Variants in ATE1 observed in about 807,000 individuals in gnomAD.
The protein encoded by ATE1 is arginyltransferase 1, also known as arginyl-tRNA--protein transferase 1.
In ATE1, 36 loss-of-function variants were observed where a neutral mutation model predicts 70.5. The observed-to-expected ratio is 0.51, with a 90% CI of 0.39 to 0.67. ATE1 has a LOEUF of 0.67. ATE1 is among the 30% of genes least tolerant of loss of function. ATE1 has a pLI of 0.00. For missense variants in ATE1, 593 were observed against 629.5 expected, an observed-to-expected ratio of 0.94 and a Z score of 0.62; for synonymous variants, 232 against 219.3, an observed-to-expected ratio of 1.06 and a Z score of -0.51.
chr10:121,923,959 A>C (rs1438725750), intron 2 of ATE1, among the ~76,000 whole-genome samples: 1 of 152,216 alleles, frequency 6.6e-6, no homozygotes, highest in Non-Finnish European at 1.5e-5. Flanking sequence ...TAACCTACTG[A>C]TGTAATTTGC....
chr10:121,863,631 A>G (rs965050871), intron 8 of ATE1, among the ~76,000 whole-genome samples: 3 of 151,894 alleles, frequency 2.0e-5, no homozygotes, highest in Non-Finnish European at 4.4e-5. Flanking sequence ...ATTTTTAGAG[A>G]TGTGGTATTA....
intron 10 of ATE1, among the ~76,000 whole-genome samples, chr10:121,798,785 G>C (rs1347889856): frequency 6.6e-6 from 1 of 151,980 alleles, no homozygotes; most frequent in Admixed American, 6.6e-5. Context: ...TGTGGTCCCA[G>C]CTACTCAGGA....
At chr10:121,859,839 G>T (rs1328823418) in intron 8 of ATE1, among the ~76,000 whole-genome samples, 1 of 152,146 alleles carries the variant, frequency 6.6e-6, no homozygotes, top group Non-Finnish European at 1.5e-5. Context: ...CTATTCGGAA[G>T]GCTGAGGCAG....
chr10:121,845,559 G>A lies in ATE1; in HGVS notation c.976-4296C>T, dbSNP rs182853790. Among the ~76,000 whole-genome samples the A allele has an allele frequency of 7.9e-5, 12 of 152,242 alleles. No individual in the cohort carries two copies. In the East Asian group the frequency reaches 1.5e-3, roughly 20 times the overall value. On this transcript the variant is annotated intron_variant, in intron 8 of 11. Coordinates refer to ENST00000224652, the MANE Select transcript of ATE1 (RefSeq NM_001001976.3). ...CCTAAGCAACTCTGGAAATGAAAGC[G>A]GTTTCTAAGAATGAAGGTAACAGGA... is the stretch of plus-strand genomic sequence containing the variant.
intron 11 of ATE1, among the ~76,000 whole-genome samples, chr10:121,744,861 G>A (rs966303417): frequency 7.2e-5 from 11 of 152,176 alleles, no homozygotes; most frequent in African/African-American, 2.7e-4. Flanking sequence ...AGTGTTTTGT[G>A]GAAGTTTCCA....
At position 121,902,468 on chromosome 10, in the gene ATE1, C is replaced by G. The variant is rs765527392; in HGVS notation, c.736G>C (p.Ala246Pro). 6.8e-6 allele frequency: 11 copies of G among 1,614,028 alleles called. No individual in the cohort carries two copies. The highest frequency in any genetic ancestry group is 2.2e-5 in the South Asian group (2 of 91,088). ...AGTGATTTTGGCTGGTTGGATTTAG[C>G]CTTTGGTGGAAACAAAGATGGTGGG... ...GHPPSLFPPK[A>P]KSNQPKSLED... Residue 246 changes from alanine (A) to proline (P), a missense_variant, in exon 6 of 12, where the codon GCT becomes CCT. Physicochemically the swap from Ala to Pro is conservative, Grantham distance 27. Coordinates refer to ENST00000224652, the MANE Select transcript of ATE1 (RefSeq NM_001001976.3).
intron 10 of ATE1, among the ~76,000 whole-genome samples, chr10:121,797,453 C>T (rs1038461208): frequency 1.3e-5 from 2 of 152,088 alleles, no homozygotes; most frequent in Non-Finnish European, 1.5e-5. Flanking sequence ...TTCATCATCC[C>T]CAAAGAAACC....
chr10:121,825,735 G>C (rs1176043999), intron 10 of ATE1, among the ~76,000 whole-genome samples: 3 of 152,166 alleles, frequency 2.0e-5, no homozygotes, highest in Non-Finnish European at 4.4e-5. Flanking sequence ...TTGCTGGCAG[G>C]ATGTGAAATG....
chr10:121,800,097 G>A (rs1052394964), intron 10 of ATE1, among the ~76,000 whole-genome samples: 5 of 152,164 alleles, frequency 3.3e-5, no homozygotes, highest in East Asian at 1.9e-4. Context: ...ATAAGAAGAC[G>A]GATGTGAAGC....
intron 10 of ATE1, among the ~76,000 whole-genome samples, chr10:121,818,739 TA>T (rs1947664546): frequency 6.6e-6 from 1 of 152,188 alleles, no homozygotes; most frequent in Non-Finnish European, 1.5e-5. Context: ...AGAATTTGTT[TA>T]AAAACTTGTT....
chr10:121,794,610 C>CAAAAAAAAAAA (rs71022866), intron 10 of ATE1, among the ~76,000 whole-genome samples: 2 of 77,550 alleles, frequency 2.6e-5, no homozygotes, highest in African/African-American at 5.1e-5. Context: ...ACCCTGTCTC[C>CAAAAAAAAAAA]AAAAAAAAAA....
At chr10:121,868,200 A>G (rs1438944328) in intron 8 of ATE1, among the ~76,000 whole-genome samples, 1 of 152,254 alleles carries the variant, frequency 6.6e-6, no homozygotes, top group African/African-American at 2.4e-5. Context: ...ATAGGAGTAA[A>G]CATTTAAAAC....
At chr10:121,802,312 C>A in intron 10 of ATE1, among the ~76,000 whole-genome samples, 1 of 43,836 alleles carries the variant, frequency 2.3e-5, no homozygotes, top group African/African-American at 5.4e-5. Flanking sequence ...ATGTCTACTC[C>A]ACTTTTTTTT....
At position 121,902,486 on chromosome 10, in the gene ATE1, A is replaced by G. The variant is rs751682722; in HGVS notation, c.718T>C (p.Ser240Pro). Residue 240 changes from serine (S) to proline (P), a missense_variant, in exon 6 of 12, where the codon TCT (serine) becomes CCT (proline). Ser to Pro is a moderately conservative substitution (Grantham distance 74, BLOSUM62 -1). Around this residue, in one of 3 missense-constraint regions of ATE1, gnomAD observed 467 missense variants for 469.6 expected, o/e 0.99. Coordinates refer to ENST00000224652, the MANE Select transcript of ATE1 (RefSeq NM_001001976.3). Reference sequence around the variant, plus strand: ...GATTTAGCCTTTGGTGGAAACAAAGATGGTGGGTGACCTTGAGCCTGGAAA... The same window carrying G: ...GATTTAGCCTTTGGTGGAAACAAAGGTGGTGGGTGACCTTGAGCCTGGAAA... ...EGFQAQGHPP[S>P]LFPPKAKSNQ... The G allele has an allele frequency of 1.2e-6, 2 of 1,614,228 alleles. No homozygotes were observed. Among genetic ancestry groups the G allele is most frequent in the Non-Finnish European group, 1.7e-6 (2 of 1,180,042 alleles).
At chr10:121,747,768 C>G (rs971759224) in intron 11 of ATE1, among the ~76,000 whole-genome samples, 1 of 152,158 alleles carries the variant, frequency 6.6e-6, no homozygotes, top group African/African-American at 2.4e-5. Context: ...TTACTTTATC[C>G]AACCAAAGGG....
At chr10:121,915,864 C>T (rs1951630424) in intron 3 of ATE1, among the ~76,000 whole-genome samples, 1 of 146,694 alleles carries the variant, frequency 6.8e-6, no homozygotes, top group South Asian at 2.2e-4. Context: ...GCACTCCAGC[C>T]TGGGCAACAG....
chr10:121,822,364 G>T (rs1305393489), intron 10 of ATE1, among the ~76,000 whole-genome samples: 1 of 152,316 alleles, frequency 6.6e-6, no homozygotes, highest in South Asian at 2.1e-4. Context: ...AGTGAGAACA[G>T]TGGTTACCTT....
At chr10:121,784,229 C>T (rs1946115634) in intron 11 of ATE1, among the ~76,000 whole-genome samples, 1 of 152,222 alleles carries the variant, frequency 6.6e-6, no homozygotes, top group Admixed American at 6.5e-5. Flanking sequence ...TGAGCAAAGA[C>T]TGGCTGGTAA....
chr10:121,871,239 G>A (rs1949845885), intron 7 of ATE1, among the ~76,000 whole-genome samples: 1 of 152,114 alleles, frequency 6.6e-6, no homozygotes, highest in Non-Finnish European at 1.5e-5. Context: ...TGGATCACCT[G>A]AGGGAGGACA....
Sources: allele counts gnomAD v4.1 joint callset (sites outside exome capture counted in the v4.1 genomes callset), GRCh38; gene constraint gnomAD v4.1.1; regional missense constraint gnomAD v4.1.1; transcripts MANE v1.5; gene names NCBI Gene and HGNC (gene_info 2026-07-23, HGNC 2026-07-21).